Variants in ZNF814 observed in about 807,000 individuals in gnomAD.
ZNF814 encodes the protein zinc finger protein 814.
In ZNF814, 5 loss-of-function variants were observed where a neutral mutation model predicts 7.5. The ratio of observed to expected loss-of-function variants is 0.67; its 90% CI spans 0.35 to 1.40. ZNF814 has a LOEUF of 1.40. Ranked by LOEUF, ZNF814 falls within the 40% of genes most tolerant of loss-of-function variation. ZNF814 has a pLI of 0.04. For synonymous variants in ZNF814, 315 were observed against 340.7 expected, an observed-to-expected ratio of 0.92 and a Z score of 0.83; for missense variants, 962 against 1,018.0, an observed-to-expected ratio of 0.94 and a Z score of 0.75.
chr19:57,869,969 G>A lies in ZNF814; in HGVS notation c.*2853C>T, dbSNP rs111854720. The A allele has an allele frequency of 0.086, 12,377 of 144,076 alleles. 632 individuals are homozygous for A. The highest frequency in any genetic ancestry group is 0.14 in the African/African-American group (5,023 of 36,536). The allele number at this position is 144,076 out of a possible 1,614,324, so 8.9% of individuals were successfully genotyped here. ...AAAAAAAAAAAAAAAGGTTGGGCAC[G>A]GTGGCTCATGCCTATAATCCCAGCA... On this transcript the variant is annotated 3_prime_UTR_variant, in exon 3 of 3. Coordinates refer to ENST00000435989, the MANE Select transcript of ZNF814 (RefSeq NM_001144989.2).
chr19:57,889,513 C>T (rs2071721383), upstream of ZNF814, among the ~76,000 whole-genome samples: 2 of 151,908 alleles, frequency 1.3e-5, no homozygotes, highest in African/African-American at 2.4e-5. Context: ...TGCTGTAAGC[C>T]GAGATCGTAC....
the ZNF814 span, among the ~76,000 whole-genome samples, chr19:57,895,159 A>C: frequency 6.6e-6 from 1 of 152,204 alleles, no homozygotes; most frequent in Non-Finnish European, 1.5e-5. Flanking sequence ...GAGGGACTTT[A>C]CTGAGAGGGG....
chr19:57,870,026 G>A lies in ZNF814; in HGVS notation c.*2796C>T, dbSNP rs1267797261. 1 of 151,954 alleles carries A rather than the reference G, an allele frequency of 6.6e-6. No homozygotes were observed. The highest frequency in any genetic ancestry group is 1.5e-5 in the Non-Finnish European group (1 of 68,076). 9.4% of individuals were successfully genotyped at this position (151,954 alleles called of 1,614,324 possible). A position where few individuals can be genotyped will look rare whatever the true frequency, so the allele number is the denominator to read the frequency against. ...GAGGCCAAGGCAGGCGGATCACGAG[G>A]TCAGGAGATCGAGACCATCCTAGTT... is the stretch of plus-strand genomic sequence containing the variant. On this transcript the variant is annotated 3_prime_UTR_variant, in exon 3 of 3. Coordinates refer to ENST00000435989, the MANE Select transcript of ZNF814 (RefSeq NM_001144989.2).
chr19:57,889,053 G>T, upstream of ZNF814: 1 of 536,182 alleles, frequency 1.9e-6, no homozygotes. Flanking sequence ...CCACCAGAGG[G>T]CGCCGGAAGT....
chr19:57,880,951 A>G (rs144763354), intron 1 of ZNF814, among the ~76,000 whole-genome samples: 2,254 of 152,208 alleles, frequency 0.015, 28 homozygotes, highest in Non-Finnish European at 0.023. Context: ...TCAACACAGA[A>G]AAAAATCACC....
rs762619829 is a variant in ZNF814, at chr19:57,873,816, C to T, written c.1574G>A (p.Cys525Tyr). 3.1e-6 allele frequency: 5 copies of T among 1,614,038 alleles called. No homozygotes were observed. Among genetic ancestry groups the T allele is most frequent in the Non-Finnish European group, 4.2e-6 (5 of 1,180,018 alleles). The part of the protein sequence containing the change: ...TGARPYECGE[C>Y]GKSFSSKGHL... ...TCCTTTTGAACTAAATGATTTCCCA[C>T]ATTCTCCACACTCATAAGGTCTTGC... Residue 525 changes from cysteine to tyrosine, a missense_variant, in exon 3 of 3, where the codon TGT becomes TAT. This residue lies in a region of ZNF814 where 665 missense variants were observed against 551.4 expected (regional missense o/e 1.21). Transcript: ENST00000435989.
At chr19:57,898,708 C>T in the ZNF814 span, among the ~76,000 whole-genome samples, 7 of 152,138 alleles carry the variant, frequency 4.6e-5, no homozygotes, top group Admixed American at 2.6e-4. Context: ...CTTGGGAGGC[C>T]GAGGCGGGTG....
At chr19:57,901,474 G>A in the ZNF814 span, among the ~76,000 whole-genome samples, 1 of 152,354 alleles carries the variant, frequency 6.6e-6, no homozygotes, top group Admixed American at 6.5e-5. Flanking sequence ...ACATGGGGAA[G>A]AGGATTTGCT....
chr19:57,877,471 G>A (rs2071615891), intron 1 of ZNF814, among the ~76,000 whole-genome samples: 1 of 152,092 alleles, frequency 6.6e-6, no homozygotes, highest in South Asian at 2.1e-4. Flanking sequence ...TTGAGACAGA[G>A]TCTCACTCTG....
chr19:57,876,211 C>A (rs530089806), intron 2 of ZNF814, among the ~76,000 whole-genome samples: 1 of 152,078 alleles, frequency 6.6e-6, no homozygotes, highest in East Asian at 1.9e-4. Flanking sequence ...CTGCCAGGGC[C>A]TCCCAAAGTG....
chr19:57,875,167 T>C lies in ZNF814; in HGVS notation c.223A>G (p.Arg75Gly), dbSNP rs1271566003. The change falls in exon 3 of 3, where the codon AGA (arginine) becomes GGA (glycine). Residue 75 changes from arginine (R) to glycine (G), a missense_variant. Transcript: ENST00000435989. ...APSKQSIYIQ[R>G]ETQVRTPMAG... The stretch of plus-strand genomic sequence containing the variant: ...ATAGGAGTCCTGACCTGAGTCTCTC[T>C]TTGTATATAAATACTCTGCTTAGAA... 2.6e-6 allele frequency: 4 copies of C among 1,538,504 alleles called. No homozygotes were observed. Among genetic ancestry groups the C allele is most frequent in the Non-Finnish European group, 3.5e-6 (4 of 1,142,356 alleles).
chr19:57,887,509 G>A (rs1168785745), intron 1 of ZNF814, among the ~76,000 whole-genome samples: 1 of 152,168 alleles, frequency 6.6e-6, no homozygotes, highest in East Asian at 1.9e-4. Flanking sequence ...TGTTCCTTGT[G>A]TTGTAATGCC....
Position 57,873,990 on chromosome 19 carries a change from C to G in ZNF814, c.1400G>C (p.Gly467Ala). ...VHAGERPFKCGECVKSFSHKR... is the reference protein window; with the variant it reads ...VHAGERPFKCAECVKSFSHKR... ...ATGACTGAAAGATTTCACACATTCT[C>G]CACACTTGAAAGGTCTTTCTCCGGC... The change falls in exon 3 of 3, where the codon GGA becomes GCA. Residue 467 changes from glycine to alanine, a missense_variant. Coordinates refer to ENST00000435989, the MANE Select transcript of ZNF814 (RefSeq NM_001144989.2). 6.2e-7 allele frequency: 1 copy of G among 1,614,084 alleles called. No individual in the cohort carries two copies. The highest frequency in any genetic ancestry group is 8.5e-7 in the Non-Finnish European group (1 of 1,179,990).
chr19:57,889,138 A>G, upstream of ZNF814: 1 of 424,520 alleles, frequency 2.4e-6, no homozygotes, highest in Admixed American at 3.9e-5. Context: ...CTATCATTCG[A>G]GGCTGAGTTT....
Position 57,873,663 on chromosome 19 carries a change from T to C in ZNF814, c.1727A>G (p.Tyr576Cys). The C allele has an allele frequency of 1.2e-6, 2 of 1,613,908 alleles. No homozygotes were observed. The highest frequency in any genetic ancestry group is 1.7e-6 in the Non-Finnish European group (2 of 1,179,940). Reference protein sequence around the residue: ...HQRVHPRERSYGCGECGKSFS... With the variant: ...HQRVHPRERSCGCGECGKSFS... Reference sequence around the variant, plus strand: ...AGATTTCCCACATTCTCCACACCCATAAGATCTTTCTCTAGGGTGAACTCG... The same window carrying C: ...AGATTTCCCACATTCTCCACACCCACAAGATCTTTCTCTAGGGTGAACTCG... Residue 576 changes from tyrosine to cysteine, a missense_variant, in exon 3 of 3, where the codon TAT becomes TGT. Transcript: ENST00000435989.
At chr19:57,886,650 G>A (rs555301064) in intron 1 of ZNF814, among the ~76,000 whole-genome samples, 4 of 151,762 alleles carry the variant, frequency 2.6e-5, no homozygotes, top group Non-Finnish European at 5.9e-5. Flanking sequence ...AGGCCGAGGC[G>A]AGCGGATTGC....
chr19:57,875,766 T>G (rs2071601052), intron 2 of ZNF814, among the ~76,000 whole-genome samples: 1 of 151,968 alleles, frequency 6.6e-6, no homozygotes, highest in South Asian at 2.1e-4. Flanking sequence ...GGGTCAAAAG[T>G]TAAAAAAGAA....
chr19:57,898,849 G>A, the ZNF814 span, among the ~76,000 whole-genome samples: 1 of 151,332 alleles, frequency 6.6e-6, no homozygotes, highest in Non-Finnish European at 1.5e-5. Flanking sequence ...GCTGAGGCAG[G>A]AGAATGGCTG....
In ZNF814 at chr19:57,869,979, G is replaced by T. The variant is rs2071543196; in HGVS notation, c.*2843C>A. 6.7e-6 allele frequency: 1 copy of T among 148,268 alleles called. No individual in the cohort carries two copies. The highest frequency in any genetic ancestry group is 2.1e-4 in the South Asian group (1 of 4,744). 9.2% of individuals were successfully genotyped at this position (148,268 alleles called of 1,614,324 possible). A position where few individuals can be genotyped will look rare whatever the true frequency, so the allele number is the denominator to read the frequency against. On this transcript the variant is annotated 3_prime_UTR_variant, in exon 3 of 3. Transcript: ENST00000435989. ...AAAAAGGTTGGGCACGGTGGCTCAT[G>T]CCTATAATCCCAGCACTTTGGGAGG... is the stretch of plus-strand genomic sequence containing the variant.
Sources: gnomAD v4.1 joint callset for allele counts (sites outside exome capture counted in the v4.1 genomes callset) on GRCh38, gnomAD v4.1.1 for gene constraint, gnomAD v4.1.1 regional missense constraint, MANE v1.5 for transcripts, NCBI Gene and HGNC (gene_info 2026-07-23, HGNC 2026-07-21) for gene names.